Variants in BBS7 observed in about 807,000 individuals in gnomAD.
BBS7 encodes BBSome complex member BBS7.
BBS7 carries 50 observed loss-of-function variants against 90.3 expected under a neutral mutation model. That is an observed-to-expected ratio of 0.55 (90% CI 0.44 to 0.70). The LOEUF is 0.70. BBS7 is among the 30% of genes least tolerant of loss of function. BBS7 has a pLI of 0.00. For missense variants in BBS7, 729 were observed against 838.9 expected (o/e 0.87, Z 1.62); for synonymous variants, 235 against 287.4 (o/e 0.82, Z 1.85).
At chr4:121,832,317 G>A (rs1055164243) in intron 15 of BBS7, among the ~76,000 whole-genome samples, 3 of 152,036 alleles carry the variant, frequency 2.0e-5, no homozygotes, top group East Asian at 3.9e-4. Context: ...GTGAGATCCT[G>A]TCTCAAAACA....
chr4:121,848,796 T>C, intron 9 of BBS7, 48 bp downstream of exon 9: 1 of 1,481,076 alleles, frequency 6.8e-7, no homozygotes, highest in East Asian at 2.3e-5. Context: ...AATTTAATTT[T>C]TTTTGTTGTT....
chr4:121,863,748 T>G (rs1308125304), intron 2 of BBS7, among the ~76,000 whole-genome samples: 1 of 152,178 alleles, frequency 6.6e-6, no homozygotes, highest in Non-Finnish European at 1.5e-5. Flanking sequence ...ACACCTTTTT[T>G]AAAAGAAAAA....
rs760165634 is a variant in BBS7 at position 121,854,706 on chromosome 4, CCTCT to C, written c.712_715del (p.Arg238GlufsTer59). 68 of 1,611,194 alleles carry C rather than the reference CCTCT, an allele frequency of 4.2e-5. No homozygotes were observed. Among genetic ancestry groups the C allele is most frequent in the Non-Finnish European group, 5.4e-5 (64 of 1,178,394 alleles). On this transcript the variant is annotated frameshift_variant, in exon 7 of 19. Transcript: ENST00000264499. LOFTEE classifies it high-confidence loss of function. ...TCTGAACTACATGAAAAGCATACCT[CCTCT>C]CTTTTTCTCATTTTGAATTTCCCAC...
intron 5 of BBS7, among the ~76,000 whole-genome samples, chr4:121,855,971 T>C (rs1213776660): frequency 1.3e-5 from 2 of 152,016 alleles, no homozygotes; most frequent in Non-Finnish European, 2.9e-5. Flanking sequence ...TGTATATATA[T>C]ATATATAAAA....
intron 2 of BBS7, among the ~76,000 whole-genome samples, chr4:121,863,905 T>C (rs17005269): frequency 0.04 from 6,139 of 152,296 alleles, 405 homozygotes; most frequent in African/African-American, 0.14. Context: ...CAAAAGTAGA[T>C]ATCAAACAAC....
intron 11 of BBS7, among the ~76,000 whole-genome samples, chr4:121,844,468 T>C (rs1429477144): frequency 6.6e-6 from 1 of 152,062 alleles, no homozygotes; most frequent in Non-Finnish European, 1.5e-5. Context: ...TGAATGGCAT[T>C]CCTAGAGTTG....
At position 121,835,189 on chromosome 4, in the gene BBS7, T is replaced by C. The variant is rs575924592; in HGVS notation, c.1466A>G (p.Lys489Arg). The C allele has an allele frequency of 3.1e-6, 5 of 1,613,790 alleles. No individual in the cohort carries two copies. Among genetic ancestry groups the C allele is most frequent in the Non-Finnish European group, 3.4e-6 (4 of 1,179,854 alleles). Residue 489 changes from lysine to arginine, a missense_variant, in exon 14 of 19, where the codon AAA becomes AGA. Lys to Arg is a conservative substitution (Grantham distance 26). Coordinates refer to ENST00000264499, the MANE Select transcript of BBS7 (RefSeq NM_176824.3). ...KTCQVRQYHI[K>R]PLSLHQRTHF... ...AGTTCTTTGATGGAGTGAAAGAGGT[T>C]TGATGTGGTACTGGCGGACCTGACA...
At chr4:121,849,344 G>A (rs1405521629) in intron 8 of BBS7, among the ~76,000 whole-genome samples, 1 of 152,156 alleles carries the variant, frequency 6.6e-6, no homozygotes, top group African/African-American at 2.4e-5. Flanking sequence ...GGGACCAGAG[G>A]TGCGCGCCAC....
intron 7 of BBS7, among the ~76,000 whole-genome samples, chr4:121,854,234 AATGAAT>A (rs1726478366): frequency 6.6e-6 from 1 of 152,198 alleles, no homozygotes; most frequent in Non-Finnish European, 1.5e-5. Flanking sequence ...TGAAGGAATA[AATGAAT>A]ATATGAACAT....
chr4:121,829,237 CTT>C (rs58186352), intron 15 of BBS7, among the ~76,000 whole-genome samples: 70 of 136,372 alleles, frequency 5.1e-4, no homozygotes, highest in East Asian at 2.3e-3. Flanking sequence ...CATTATTTTT[CTT>C]TTTTTTTTTT....
intron 5 of BBS7, 93 bp from the exon 6 acceptor site, chr4:121,855,654 T>C: frequency 9.0e-7 from 1 of 1,115,970 alleles, no homozygotes; most frequent in South Asian, 1.3e-5. Context: ...TACAGTACTC[T>C]TAGTAACACC....
intron 18 of BBS7, chr4:121,827,810 A>G: frequency 1.0e-6 from 1 of 977,494 alleles, no homozygotes; most frequent in Non-Finnish European, 1.2e-6. Flanking sequence ...AAACATGACA[A>G]TTATTTGTGT....
At position 121,835,180 on chromosome 4, in the gene BBS7, G is replaced by A; in HGVS notation, c.1475C>T (p.Ser492Leu). 1 of 1,613,958 alleles carries A rather than the reference G, an allele frequency of 6.2e-7. No homozygotes were observed. The highest frequency in any genetic ancestry group is 8.5e-7 in the Non-Finnish European group (1 of 1,179,866). The change falls in exon 14 of 19, where the codon TCA (serine) becomes TTA (leucine). Residue 492 changes from serine to leucine, a missense_variant. Physicochemically the swap from Ser to Leu is moderately radical, Grantham distance 145. Coordinates refer to ENST00000264499, the MANE Select transcript of BBS7 (RefSeq NM_176824.3). ...QVRQYHIKPL[S>L]LHQRTHFIDH... ...AATAAAGTGAGTTCTTTGATGGAGTGAAAGAGGTTTGATGTGGTACTGGCG... is the reference window on the plus strand; with the variant it reads ...AATAAAGTGAGTTCTTTGATGGAGTAAAAGAGGTTTGATGTGGTACTGGCG...
At chr4:121,858,052 C>G (rs905389776) in intron 5 of BBS7, among the ~76,000 whole-genome samples, 3 of 152,120 alleles carry the variant, frequency 2.0e-5, no homozygotes, top group Admixed American at 6.6e-5. Context: ...ATGATCTTCC[C>G]GTCTCAGCCT....
chr4:121,853,564 C>T (rs1325735408), intron 7 of BBS7, among the ~76,000 whole-genome samples: 1 of 151,676 alleles, frequency 6.6e-6, no homozygotes, highest in East Asian at 1.9e-4. Context: ...CAAATTCCAT[C>T]TTCTCTACCT....
At chr4:121,854,088 G>A (rs767537735) in intron 7 of BBS7, among the ~76,000 whole-genome samples, 1 of 152,056 alleles carries the variant, frequency 6.6e-6, no homozygotes, top group South Asian at 2.1e-4. Context: ...CTTTGACTAC[G>A]TGGTCTAAAA....
In BBS7 at chr4:121,870,364, G is replaced by A. The variant is rs564632395; in HGVS notation, c.-51C>T. 1 of 1,609,938 alleles carries A rather than the reference G, an allele frequency of 6.2e-7. No individual in the cohort carries two copies. The highest frequency in any genetic ancestry group is 1.3e-5 in the African/African-American group (1 of 74,946). ...GCGCCGGACAAGAACAGGAGGGACA[G>A]AGGCTTCGGGCCCGCAGGCCTCCGA... is the stretch of plus-strand genomic sequence containing the variant. On this transcript the variant is annotated 5_prime_UTR_variant, in exon 1 of 19. Transcript: ENST00000264499.
rs529785263 is a variant in BBS7, at chr4:121,858,297, C to T, written c.528+695G>A. ...TCATCAACTGCACCAACTATATCAG[C>T]CTGTTTCTGATACAGTTCATCTAAC... On this transcript the variant is annotated intron_variant, in intron 5 of 18. Coordinates refer to ENST00000264499, the MANE Select transcript of BBS7 (RefSeq NM_176824.3). Among the ~76,000 whole-genome samples, 5 of 152,142 alleles carry T rather than the reference C, an allele frequency of 3.3e-5. No individual in the cohort carries two copies. In the East Asian group the frequency reaches 9.6e-4, roughly 29 times the overall value.
intron 8 of BBS7, among the ~76,000 whole-genome samples, chr4:121,851,934 G>T (rs1726343125): frequency 6.6e-6 from 1 of 152,224 alleles, no homozygotes; most frequent in Non-Finnish European, 1.5e-5. Context: ...CATTTCTGGG[G>T]TTTGGAATAA....
Sources: allele counts gnomAD v4.1 joint callset (sites outside exome capture counted in the v4.1 genomes callset), GRCh38; gene constraint gnomAD v4.1.1; transcripts MANE v1.5; gene names NCBI Gene and HGNC (gene_info 2026-07-23, HGNC 2026-07-21).